The following BTBD9 variants were observed in gnomAD, a reference collection of about 807,000 sequenced individuals.
BTBD9 encodes the protein BTB domain containing 9.
BTBD9 carries 49 observed loss-of-function variants against 64.3 expected under a neutral mutation model. The observed-to-expected ratio is 0.76, with a 90% CI of 0.61 to 0.97. The LOEUF (loss-of-function observed/expected upper bound fraction) is 0.97. Ranked by LOEUF, BTBD9 falls within the 50% of genes least tolerant of loss-of-function variation. The probability of loss-of-function intolerance (pLI) is 0.00; values close to 1 mark genes in which losing one functional copy is unlikely to be tolerated. For missense variants in BTBD9, 598 were observed against 762.1 expected, an observed-to-expected ratio of 0.78 and a Z score of 2.53; for synonymous variants, 260 against 274.7, an observed-to-expected ratio of 0.95 and a Z score of 0.53.
intron 7 of BTBD9, among the ~76,000 whole-genome samples, chr6:38,333,845 C>T (rs1483253011): frequency 6.6e-6 from 1 of 152,092 alleles, no homozygotes; most frequent in Non-Finnish European, 1.5e-5. Flanking sequence ...ATTGCTACAA[C>T]GATACCTGAA....
At chr6:38,638,746 A>C (rs979812154) in intron 1 of BTBD9, among the ~76,000 whole-genome samples, 1 of 152,254 alleles carries the variant, frequency 6.6e-6, no homozygotes, top group African/African-American at 2.4e-5. Context: ...ACAAAACATT[A>C]GATTTCAGTA....
chr6:38,555,720 T>C (rs1260383582), intron 6 of BTBD9, among the ~76,000 whole-genome samples: 1 of 152,210 alleles, frequency 6.6e-6, no homozygotes, highest in Non-Finnish European at 1.5e-5. Context: ...ATGTCATCAT[T>C]TTGGTGGATT....
chr6:38,237,304 A>G (rs780517274), intron 9 of BTBD9, among the ~76,000 whole-genome samples: 3 of 152,170 alleles, frequency 2.0e-5, no homozygotes, highest in Non-Finnish European at 4.4e-5. Flanking sequence ...CTCCACATAG[A>G]GAGGGGATCT....
chr6:38,187,329 A>G (rs1457645989), intron 10 of BTBD9, among the ~76,000 whole-genome samples: 1 of 152,190 alleles, frequency 6.6e-6, no homozygotes. Flanking sequence ...ATGACCATGA[A>G]CTTGCTAAGC....
At chr6:38,601,824 G>T (rs1195252049) in intron 1 of BTBD9, among the ~76,000 whole-genome samples, 1 of 152,014 alleles carries the variant, frequency 6.6e-6, no homozygotes, top group Non-Finnish European at 1.5e-5. Flanking sequence ...AAAAATTAGA[G>T]AAAATAAGAG....
chr6:38,295,208 AG>A (rs1370824806), intron 7 of BTBD9, among the ~76,000 whole-genome samples: 1 of 152,170 alleles, frequency 6.6e-6, no homozygotes, highest in African/African-American at 2.4e-5. Context: ...TCTGTCATCC[AG>A]GCTGGAGTGC....
intron 6 of BTBD9, among the ~76,000 whole-genome samples, chr6:38,540,999 AC>A (rs1324102101): frequency 1.3e-5 from 2 of 152,162 alleles, no homozygotes; most frequent in Non-Finnish European, 2.9e-5. Flanking sequence ...TCTTTCACAT[AC>A]ATTCACAGCT....
At chr6:38,419,387 C>T (rs932572984) in intron 6 of BTBD9, among the ~76,000 whole-genome samples, 5 of 152,070 alleles carry the variant, frequency 3.3e-5, no homozygotes, top group African/African-American at 9.7e-5. Flanking sequence ...GGTATATAAA[C>T]GATATCTCAA....
At chr6:38,554,360 T>C (rs1774931544) in intron 6 of BTBD9, among the ~76,000 whole-genome samples, 1 of 152,228 alleles carries the variant, frequency 6.6e-6, no homozygotes, top group East Asian at 1.9e-4. Flanking sequence ...CTCAGAGGAA[T>C]GAACTTTTCC....
At chr6:38,623,688 G>T (rs1197795262) in intron 1 of BTBD9, among the ~76,000 whole-genome samples, 1 of 152,196 alleles carries the variant, frequency 6.6e-6, no homozygotes, top group Admixed American at 6.5e-5. Flanking sequence ...AACCTCTAGA[G>T]TTGGGCGACA....
intron 9 of BTBD9, among the ~76,000 whole-genome samples, chr6:38,235,261 T>C (rs979102347): frequency 3.9e-5 from 6 of 152,182 alleles, no homozygotes; most frequent in Admixed American, 2.0e-4. Flanking sequence ...TCTGCATACG[T>C]TTCCTGCAGG....
chr6:38,349,807 T>C (rs1189250104), intron 6 of BTBD9, among the ~76,000 whole-genome samples: 1 of 152,080 alleles, frequency 6.6e-6, no homozygotes, highest in Non-Finnish European at 1.5e-5. Context: ...GGGCTTGTCC[T>C]TCCACTTAGG....
chr6:38,439,676 C>T (rs1446953507), intron 6 of BTBD9, among the ~76,000 whole-genome samples: 1 of 152,198 alleles, frequency 6.6e-6, no homozygotes, highest in Non-Finnish European at 1.5e-5. Context: ...ATCCGCCCTC[C>T]TCAGCCTCCC....
chr6:38,588,460 A>G (rs1776645535), intron 4 of BTBD9: 2 of 826,178 alleles, frequency 2.4e-6, no homozygotes, highest in East Asian at 2.6e-5. Flanking sequence ...CCCTCCTCCA[A>G]CTGGGCCTAA....
chr6:38,201,691 C>A (rs181575781), intron 9 of BTBD9, among the ~76,000 whole-genome samples: 37 of 152,202 alleles, frequency 2.4e-4, no homozygotes, highest in Admixed American at 2.4e-3. Context: ...TCAGAAAGAC[C>A]AAAGGATTCC....
chr6:38,428,049 A>T (rs1215569282), intron 6 of BTBD9, among the ~76,000 whole-genome samples: 1 of 151,898 alleles, frequency 6.6e-6, no homozygotes, highest in Non-Finnish European at 1.5e-5. Context: ...GGCCCCTTCA[A>T]AGGAATGAGG....
At chr6:38,383,888 G>A (rs1157140242) in intron 6 of BTBD9, among the ~76,000 whole-genome samples, 1 of 152,172 alleles carries the variant, frequency 6.6e-6, no homozygotes, top group Non-Finnish European at 1.5e-5. Flanking sequence ...AACTGGGGAG[G>A]TGATTTTGGA....
chr6:38,548,350 G>A (rs562785169), intron 6 of BTBD9, among the ~76,000 whole-genome samples: 3 of 152,194 alleles, frequency 2.0e-5, no homozygotes, highest in South Asian at 2.1e-4. Flanking sequence ...ATCTCTCTTC[G>A]AAGTCTATTA....
intron 7 of BTBD9, among the ~76,000 whole-genome samples, chr6:38,308,311 A>G (rs886779657): frequency 2.0e-5 from 3 of 152,020 alleles, no homozygotes; most frequent in Admixed American, 2.0e-4. Context: ...CAATATCTCT[A>G]TTTTTTTCTT....
Sources: allele counts gnomAD v4.1 joint callset (sites outside exome capture counted in the v4.1 genomes callset), GRCh38; gene constraint gnomAD v4.1.1; transcripts MANE v1.5; gene names NCBI Gene and HGNC (gene_info 2026-07-23, HGNC 2026-07-21).